The following CELF2 variants were observed in gnomAD, a reference collection of about 807,000 sequenced individuals.
CELF2 encodes CUGBP Elav-like family member 2.
A neutral mutation model predicts 62.6 loss-of-function variants in CELF2; 8 were observed. That is an observed-to-expected ratio of 0.13 (90% CI 0.07 to 0.23). The LOEUF (loss-of-function observed/expected upper bound fraction) is 0.23. Ranked by LOEUF, CELF2 falls within the 10% of genes least tolerant of loss-of-function variation. CELF2 has a pLI of 1.00. For synonymous variants in CELF2, 258 were observed against 250.0 expected, an observed-to-expected ratio of 1.03 and a Z score of -0.30; for missense variants, 333 against 671.0, an observed-to-expected ratio of 0.50 and a Z score of 5.56.
chr10:10,949,073 G>A (rs574388831), intron 2 of CELF2, among the ~76,000 whole-genome samples: 12 of 152,254 alleles, frequency 7.9e-5, no homozygotes, highest in African/African-American at 2.9e-4. Flanking sequence ...TGGAGGAGGT[G>A]AGGGGACCAT....
At chr10:10,915,906 A>G (rs968635346) in intron 1 of CELF2, among the ~76,000 whole-genome samples, 3 of 152,248 alleles carry the variant, frequency 2.0e-5, no homozygotes, top group African/African-American at 7.2e-5. Flanking sequence ...TTAAGTGCTA[A>G]TGAATATTTT....
intron 1 of CELF2, chr10:11,030,299 TTG>T (rs1463804755): frequency 6.6e-5 from 10 of 152,240 alleles, no homozygotes; most frequent in Admixed American, 6.5e-4. Flanking sequence ...CCTCAATAAT[TTG>T]TGTCATTTCC....
intron 1 of CELF2, among the ~76,000 whole-genome samples, chr10:10,859,241 G>C (rs1187967354): frequency 6.6e-6 from 1 of 152,090 alleles, no homozygotes; most frequent in Non-Finnish European, 1.5e-5. Flanking sequence ...TTAATAATCA[G>C]ACCAAGGCTT....
chr10:11,203,727 A>G (rs2059795638), intron 2 of CELF2, among the ~76,000 whole-genome samples: 1 of 152,212 alleles, frequency 6.6e-6, no homozygotes, highest in African/African-American at 2.4e-5. Context: ...CAGAATTACA[A>G]TGTGACTGAA....
chr10:10,823,244 TAGTG>T (rs2057113065), intron 1 of CELF2, among the ~76,000 whole-genome samples: 1 of 152,248 alleles, frequency 6.6e-6, no homozygotes, highest in Admixed American at 6.5e-5. Context: ...TATAAATTCA[TAGTG>T]AGTCTGTAGT....
chr10:10,840,945 G>C (rs1260299635), intron 1 of CELF2, among the ~76,000 whole-genome samples: 1 of 152,090 alleles, frequency 6.6e-6, no homozygotes, highest in Non-Finnish European at 1.5e-5. Context: ...TGCAGAGTTT[G>C]GTTTTCTGTT....
At chr10:10,877,180 C>T (rs929549007) in intron 1 of CELF2, among the ~76,000 whole-genome samples, 1 of 152,212 alleles carries the variant, frequency 6.6e-6, no homozygotes, top group African/African-American at 2.4e-5. Flanking sequence ...ATCATCAGGG[C>T]AGTATGACTG....
At chr10:10,797,725 G>A (rs1159792894), upstream of CELF2, among the ~76,000 whole-genome samples, 1 of 152,186 alleles carries the variant, frequency 6.6e-6, no homozygotes, top group Non-Finnish European at 1.5e-5. Context: ...GCAGGAGGAA[G>A]AGCTTCAGCT....
chr10:10,695,524 T>C, the CELF2 span, among the ~76,000 whole-genome samples: 1 of 151,136 alleles, frequency 6.6e-6, no homozygotes, highest in Non-Finnish European at 1.5e-5. Flanking sequence ...TGTGGCGTTG[T>C]CTGTATTTCC....
rs927239189 is a variant in CELF2 at position 11,018,267 on chromosome 10, GC to G, written c.74+106del. The G allele has an allele frequency of 9.3e-6, 9 of 963,554 alleles. No homozygotes were observed. In the African/African-American group the frequency reaches 1.6e-4, roughly 17 times the overall value. 59.7% of individuals were successfully genotyped at this position (963,554 alleles called of 1,614,324 possible). ...GCCCGCAGCTCCCGGGCGCGACTCGGCCGCTTCGGATCCGTCGCCTCCCTCG... is the reference window on the plus strand; with the variant it reads ...GCCCGCAGCTCCCGGGCGCGACTCGGCGCTTCGGATCCGTCGCCTCCCTCG... On this transcript the variant is annotated intron_variant, in intron 1 of 12. Coordinates refer to ENST00000633077, the MANE Select transcript of CELF2 (RefSeq NM_001326342.2).
At chr10:10,978,845 A>T (rs2136328337) in intron 2 of CELF2, among the ~76,000 whole-genome samples, 1 of 152,352 alleles carries the variant, frequency 6.6e-6, no homozygotes, top group African/African-American at 2.4e-5. Context: ...TACTAGGAAA[A>T]TTAACAAAAA....
chr10:11,237,698 G>C lies in CELF2; in HGVS notation c.355-11455G>C, dbSNP rs977126722. The stretch of plus-strand genomic sequence containing the variant: ...TGTTCATCCCAGTTCCCAAGATGTC[G>C]AGAACTGAGTCACAGTGAGCCCCAC... On this transcript the variant is annotated intron_variant, in intron 3 of 12. Coordinates refer to ENST00000633077, the MANE Select transcript of CELF2 (RefSeq NM_001326342.2). The surrounding 1 kb of genome is among the most constrained non-coding windows in gnomAD (Gnocchi z 4.0). 6.6e-6 allele frequency among the ~76,000 whole-genome samples: 1 copy of C among 152,116 alleles called. No homozygotes were observed. Among genetic ancestry groups the C allele is most frequent in the African/African-American group, 2.4e-5 (1 of 41,408 alleles).
intron 1 of CELF2, among the ~76,000 whole-genome samples, chr10:11,103,554 G>A (rs910925482): frequency 7.7e-6 from 1 of 130,362 alleles, no homozygotes; most frequent in African/African-American, 3.1e-5. Context: ...GAACCTCAAT[G>A]TTCTCATATG....
intron 2 of CELF2, among the ~76,000 whole-genome samples, chr10:10,999,763 T>C (rs2054336458): frequency 6.6e-6 from 1 of 152,208 alleles, no homozygotes; most frequent in Non-Finnish European, 1.5e-5. Context: ...CACTCCACTG[T>C]GGTCTTTATT....
In CELF2 at chr10:11,224,169, C is replaced by T. The variant is rs1037471048; in HGVS notation, c.354+6662C>T. ...AGGGAATAGCCACACCACTTTTGGC[C>T]TCAGAACCCAGTGGAAGGCAATGTT... On this transcript the variant is annotated intron_variant, in intron 3 of 12. Coordinates refer to ENST00000633077, the MANE Select transcript of CELF2 (RefSeq NM_001326342.2). This position sits in a 1 kb window ranked among gnomAD's most constrained non-coding sequence, Gnocchi z 4.5. Among the ~76,000 whole-genome samples, 6 of 152,196 alleles carry T rather than the reference C, an allele frequency of 3.9e-5. No individual in the cohort carries two copies. Among genetic ancestry groups the T allele is most frequent in the African/African-American group, 1.2e-4 (5 of 41,448 alleles).
At position 11,328,594 on chromosome 10, in the gene CELF2, C is replaced by G. The variant is rs1204994005; in HGVS notation, c.1439-332C>G. 6.6e-6 allele frequency among the ~76,000 whole-genome samples: 1 copy of G among 152,200 alleles called. No homozygotes were observed. The highest frequency in any genetic ancestry group is 1.5e-5 in the Non-Finnish European group (1 of 68,034). On this transcript the variant is annotated intron_variant, in intron 12 of 12. Coordinates refer to ENST00000633077, the MANE Select transcript of CELF2 (RefSeq NM_001326342.2). This position sits in a 1 kb window ranked among gnomAD's most constrained non-coding sequence, Gnocchi z 6.4. ...GACCTGGGGTTCTTTTGGAGAGATA[C>G]TAAAGGACTTGAAACACAATGATTT...
At chr10:11,264,363 T>G (rs571887605) in intron 5 of CELF2, among the ~76,000 whole-genome samples, 1 of 152,380 alleles carries the variant, frequency 6.6e-6, no homozygotes, top group South Asian at 2.1e-4. Flanking sequence ...TACATGTTTC[T>G]TACGCATTTT....
At chr10:10,945,470 C>G (rs1356562796) in intron 2 of CELF2, among the ~76,000 whole-genome samples, 1 of 152,188 alleles carries the variant, frequency 6.6e-6, no homozygotes, top group Non-Finnish European at 1.5e-5. Context: ...CAGCTCTGCA[C>G]CGAGGCCTGT....
the CELF2 span, among the ~76,000 whole-genome samples, chr10:10,472,951 T>A: frequency 6.6e-6 from 1 of 152,022 alleles, no homozygotes; most frequent in Non-Finnish European, 1.5e-5. Flanking sequence ...TTCTTCTATA[T>A]CCAGATGCTA....
Sources: allele counts gnomAD v4.1 joint callset (sites outside exome capture counted in the v4.1 genomes callset), GRCh38; gene constraint gnomAD v4.1.1; non-coding constraint Gnocchi (gnomAD v3.1); transcripts MANE v1.5; gene names NCBI Gene and HGNC (gene_info 2026-07-23, HGNC 2026-07-21).